Variants in CNTN5 observed in about 807,000 individuals in gnomAD.
CNTN5 encodes contactin 5.
In CNTN5, 77 loss-of-function variants were observed where a neutral mutation model predicts 129.1. That is an observed-to-expected ratio of 0.60 (90% CI 0.50 to 0.72). The LOEUF (loss-of-function observed/expected upper bound fraction) is 0.72, where lower values mean the gene tolerates loss of function less well. CNTN5 is among the 30% of genes least tolerant of loss of function. The pLI, the probability that CNTN5 is intolerant of heterozygous loss-of-function variation, is 0.00. For synonymous variants in CNTN5, 509 were observed against 465.6 expected (o/e 1.09, Z -1.20); for missense variants, 1,478 against 1,328.8 (o/e 1.11, Z -1.75).
At position 99,697,440 on chromosome 11, in the gene CNTN5, A is replaced by C. The variant is rs543812168; in HGVS notation, c.56-122104A>C. Among the ~76,000 whole-genome samples, 64 of 151,912 alleles carry C rather than the reference A, an allele frequency of 4.2e-4. No homozygotes were observed. The Middle Eastern group carries it at 0.01, about 24-fold the overall frequency. On this transcript the variant is annotated intron_variant, in intron 3 of 24. Transcript: ENST00000524871. The stretch of plus-strand genomic sequence containing the variant: ...CTTTGAGAATGGCACCTTAACTCCC[A>C]AAAACCCAAAATTCATAAAATTAAT...
At chr11:99,497,859 C>T (rs1248459701) in intron 2 of CNTN5, among the ~76,000 whole-genome samples, 1 of 152,146 alleles carries the variant, frequency 6.6e-6, no homozygotes, top group African/African-American at 2.4e-5. Context: ...AAATACACTA[C>T]TGATAGGTTC....
chr11:99,391,598 T>C (rs1941263942), intron 2 of CNTN5, among the ~76,000 whole-genome samples: 1 of 152,084 alleles, frequency 6.6e-6, no homozygotes, highest in African/African-American at 2.4e-5. Context: ...AGGAGCTATG[T>C]GGAAATGGCC....
chr11:99,678,813 C>T (rs1049656218), intron 3 of CNTN5, among the ~76,000 whole-genome samples: 1 of 151,800 alleles, frequency 6.6e-6, no homozygotes, highest in Non-Finnish European at 1.5e-5. Flanking sequence ...ACTAGGTGTC[C>T]ACATGAGAAG....
intron 17 of CNTN5, among the ~76,000 whole-genome samples, chr11:100,270,141 G>A (rs552146180): frequency 2.9e-4 from 44 of 152,106 alleles, no homozygotes; most frequent in African/African-American, 9.6e-4. Flanking sequence ...GAGATTTGTC[G>A]GGCAGCTCAC....
intron 6 of CNTN5, among the ~76,000 whole-genome samples, chr11:99,890,768 AT>A (rs1320038336): frequency 6.6e-6 from 1 of 152,166 alleles, no homozygotes; most frequent in Non-Finnish European, 1.5e-5. Context: ...AAAAGGAATA[AT>A]TTTATAGAGG....
intron 1 of CNTN5, among the ~76,000 whole-genome samples, chr11:99,101,765 C>T (rs982918355): frequency 3.3e-5 from 5 of 152,114 alleles, no homozygotes; most frequent in African/African-American, 7.2e-5. Context: ...TTTCACAAAT[C>T]GGCATTGTCT....
intron 3 of CNTN5, among the ~76,000 whole-genome samples, chr11:99,735,002 C>T (rs1943656585): frequency 7.1e-6 from 1 of 140,688 alleles, no homozygotes; most frequent in South Asian, 2.2e-4. Context: ...AGCGAGACTC[C>T]GTCTCAAAAC....
intron 13 of CNTN5, among the ~76,000 whole-genome samples, chr11:100,156,363 T>G (rs998363232): frequency 2.0e-5 from 3 of 152,198 alleles, no homozygotes; most frequent in African/African-American, 4.8e-5. Flanking sequence ...GACTTGATCA[T>G]GGTGGATAAG....
At chr11:99,992,372 T>C (rs1030831413) in intron 8 of CNTN5, among the ~76,000 whole-genome samples, 1 of 152,228 alleles carries the variant, frequency 6.6e-6, no homozygotes, top group African/African-American at 2.4e-5. Flanking sequence ...TTTGCCTTAA[T>C]GTTAGGGCAA....
intron 2 of CNTN5, among the ~76,000 whole-genome samples, chr11:99,375,302 CA>C (rs397848951): frequency 0.26 from 13,510 of 52,638 alleles, 215 homozygotes; most frequent in Non-Finnish European, 0.3. Context: ...GAGTCTGTCT[CA>C]AAAAAAAAAA....
chr11:99,761,941 C>T (rs1231084), intron 3 of CNTN5, among the ~76,000 whole-genome samples: 22,390 of 82,660 alleles, frequency 0.27, 2,603 homozygotes, highest in Non-Finnish European at 0.32. Context: ...TTCCTGACTT[C>T]TTAATGATTG....
chr11:99,563,756 C>T (rs1948917496), intron 3 of CNTN5, among the ~76,000 whole-genome samples: 1 of 152,110 alleles, frequency 6.6e-6, no homozygotes, highest in Non-Finnish European at 1.5e-5. Flanking sequence ...CTCTGATCAT[C>T]CAGAAGGCTA....
chr11:100,106,019 A>G (rs560037883), intron 13 of CNTN5, among the ~76,000 whole-genome samples: 1 of 152,308 alleles, frequency 6.6e-6, no homozygotes, highest in Non-Finnish European at 1.5e-5. Context: ...GTTAGCCCTC[A>G]GATCATAAGG....
Position 100,356,146 on chromosome 11 carries a change from C to T in CNTN5, c.3229C>T (p.Leu1077Phe), listed in dbSNP as rs1190108510. ...GGKITSAQSTLHSLSTSSSSV... is the reference protein window; with the variant it reads ...GGKITSAQSTFHSLSTSSSSV... ...AAAAATCACAAGTGCACAGTCGACC[C>T]TTCACTCTCTCTCCACATCTTCGTC... Residue 1077 changes from leucine to phenylalanine, a missense_variant, in exon 25 of 25, where the codon CTT becomes TTT. Coordinates refer to ENST00000524871, the MANE Select transcript of CNTN5 (RefSeq NM_014361.4). 2 of 1,610,254 alleles carry T rather than the reference C, an allele frequency of 1.2e-6. No homozygotes were observed. The highest frequency in any genetic ancestry group is 1.1e-5 in the South Asian group (1 of 90,610).
At chr11:99,211,808 T>A (rs1174654700) in intron 1 of CNTN5, among the ~76,000 whole-genome samples, 1 of 152,180 alleles carries the variant, frequency 6.6e-6, no homozygotes, top group Admixed American at 6.5e-5. Context: ...CTTTATATGA[T>A]CATATTCCAG....
intron 24 of CNTN5, among the ~76,000 whole-genome samples, chr11:100,354,704 G>A (rs932581316): frequency 2.0e-5 from 3 of 151,570 alleles, no homozygotes; most frequent in Non-Finnish European, 4.4e-5. Context: ...AAACTTAGAT[G>A]GTATAGCTTA....
chr11:99,940,450 C>T (rs1289604405), intron 7 of CNTN5, among the ~76,000 whole-genome samples: 2 of 152,202 alleles, frequency 1.3e-5, no homozygotes, highest in East Asian at 3.9e-4. Flanking sequence ...AAGTTATTAA[C>T]ATTTAAATGG....
intron 8 of CNTN5, among the ~76,000 whole-genome samples, chr11:99,997,225 G>A (rs899890970): frequency 6.6e-6 from 1 of 151,782 alleles, no homozygotes; most frequent in African/African-American, 2.4e-5. Flanking sequence ...GGTTTTTTTG[G>A]TCTCTATTTC....
At chr11:99,748,655 G>A (rs955133281) in intron 3 of CNTN5, among the ~76,000 whole-genome samples, 4 of 152,122 alleles carry the variant, frequency 2.6e-5, no homozygotes, top group Admixed American at 6.5e-5. Flanking sequence ...GCTCACTTTG[G>A]AGTCCCAGAG....
Sources: allele counts gnomAD v4.1 joint callset (sites outside exome capture counted in the v4.1 genomes callset), GRCh38; gene constraint gnomAD v4.1.1; transcripts MANE v1.5; gene names NCBI Gene and HGNC (gene_info 2026-07-23, HGNC 2026-07-21).